CNTNAP5: variants seen among roughly 807,000 people sequenced by gnomAD.
CNTNAP5 encodes the protein contactin associated protein family member 5, also known as contactin-associated protein-like 5.
A neutral mutation model predicts 150.2 loss-of-function variants in CNTNAP5; 72 were observed. The ratio of observed to expected loss-of-function variants is 0.48; its 90% CI spans 0.40 to 0.58. CNTNAP5 has a LOEUF of 0.58. Among genes scored for constraint, CNTNAP5 ranks in the 20% least tolerant of loss-of-function variants. The pLI, the probability that CNTNAP5 is intolerant of heterozygous loss-of-function variation, is 0.00. For missense variants in CNTNAP5, 1,636 were observed against 1,626.2 expected (o/e 1.01, Z -0.10); for synonymous variants, 672 against 619.8 (o/e 1.08, Z -1.25).
In CNTNAP5 at chr2:124,764,247, T is replaced by A; in HGVS notation, c.2533+100T>A. 4.6e-6 allele frequency: 4 copies of A among 870,842 alleles called. No individual in the cohort carries two copies. In the South Asian group the frequency reaches 4.6e-5, roughly 10 times the overall value. The allele number at this position is 870,842 out of a possible 1,614,324, so 53.9% of individuals were successfully genotyped here. A position where few individuals can be genotyped will look rare whatever the true frequency, so the allele number is the denominator to read the frequency against. ...CTAGTGGGCATTTGTACCAGCAAAT[T>A]AATCTCACTGGACATCTGTAAAATT... is the stretch of plus-strand genomic sequence containing the variant. On this transcript the variant is annotated intron_variant, in intron 16 of 23. Coordinates refer to ENST00000682447, the MANE Select transcript of CNTNAP5 (RefSeq NM_001367498.1).
intron 1 of CNTNAP5, among the ~76,000 whole-genome samples, chr2:124,116,888 G>A (rs1286791665): frequency 6.6e-6 from 1 of 152,168 alleles, no homozygotes; most frequent in East Asian, 1.9e-4. Context: ...TACTGCCAGT[G>A]AGCTAGAATC....
chr2:124,369,532 C>T (rs1039855400), intron 3 of CNTNAP5, among the ~76,000 whole-genome samples: 6 of 152,076 alleles, frequency 3.9e-5, no homozygotes, highest in Non-Finnish European at 5.9e-5. Flanking sequence ...GAAGTTCCTG[C>T]GGTGATTCTA....
chr2:124,420,601 A>G (rs947598729), intron 4 of CNTNAP5, among the ~76,000 whole-genome samples: 4 of 152,180 alleles, frequency 2.6e-5, no homozygotes, highest in African/African-American at 7.2e-5. Context: ...GGTGTCTACA[A>G]TCATTTGACT....
intron 13 of CNTNAP5, among the ~76,000 whole-genome samples, chr2:124,674,151 A>T (rs546171378): frequency 2.6e-5 from 4 of 152,148 alleles, no homozygotes; most frequent in East Asian, 3.9e-4. Context: ...AAATGTTTTG[A>T]TCTTCTCAAA....
intron 2 of CNTNAP5, among the ~76,000 whole-genome samples, chr2:124,240,674 A>G (rs1686862987): frequency 6.6e-6 from 1 of 152,204 alleles, no homozygotes; most frequent in African/African-American, 2.4e-5. Context: ...AAAAAAAGAA[A>G]AAAATCAAAA....
At chr2:124,533,135 T>G (rs987348642) in intron 10 of CNTNAP5, among the ~76,000 whole-genome samples, 7 of 151,834 alleles carry the variant, frequency 4.6e-5, no homozygotes, top group African/African-American at 9.7e-5. Flanking sequence ...ACTCATAAAT[T>G]TAGGTGCCAA....
At chr2:124,169,058 G>A (rs1358674) in intron 1 of CNTNAP5, among the ~76,000 whole-genome samples, 2 of 152,046 alleles carry the variant, frequency 1.3e-5, no homozygotes, top group African/African-American at 4.8e-5. Flanking sequence ...TCGGAGCACT[G>A]CCTCCATGTT....
chr2:124,324,825 T>A (rs1573916754), intron 3 of CNTNAP5, among the ~76,000 whole-genome samples: 1 of 152,242 alleles, frequency 6.6e-6, no homozygotes, highest in East Asian at 1.9e-4. Flanking sequence ...AAAGGGGCAT[T>A]TTATAAGACA....
intron 13 of CNTNAP5, among the ~76,000 whole-genome samples, chr2:124,746,736 A>G (rs1680610780): frequency 6.6e-6 from 1 of 152,082 alleles, no homozygotes; most frequent in Admixed American, 6.6e-5. Context: ...TAGTGCTCTC[A>G]TTTTCTCTTT....
intron 13 of CNTNAP5, among the ~76,000 whole-genome samples, chr2:124,733,860 C>T (rs1680326985): frequency 6.6e-6 from 1 of 152,132 alleles, no homozygotes; most frequent in Non-Finnish European, 1.5e-5. Context: ...GCAAAGAAAG[C>T]TTTGATGGGG....
chr2:124,672,893 T>A (rs1678853244), intron 13 of CNTNAP5, among the ~76,000 whole-genome samples: 1 of 151,808 alleles, frequency 6.6e-6, no homozygotes, highest in South Asian at 2.1e-4. Flanking sequence ...GGGATAAACT[T>A]AAGAGATAAT....
intron 13 of CNTNAP5, among the ~76,000 whole-genome samples, chr2:124,653,446 T>C (rs182541493): frequency 5.0e-4 from 75 of 151,478 alleles, no homozygotes; most frequent in African/African-American, 1.8e-3. Context: ...TATACATATA[T>C]ACAATATATG....
At chr2:124,375,060 TAC>T (rs200719355) in intron 3 of CNTNAP5, among the ~76,000 whole-genome samples, 1,612 of 152,156 alleles carry the variant, frequency 0.011, 29 homozygotes, top group African/African-American at 0.036. Context: ...AGCTCTTTCT[TAC>T]AGAGGAATTC....
intron 1 of CNTNAP5, among the ~76,000 whole-genome samples, chr2:124,079,645 G>A (rs2104672992): frequency 6.6e-6 from 1 of 152,268 alleles, no homozygotes; most frequent in African/African-American, 2.4e-5. Context: ...AATATCAGAA[G>A]TGTGTGGTTT....
At chr2:124,705,225 C>T (rs898993923) in intron 13 of CNTNAP5, among the ~76,000 whole-genome samples, 1 of 152,100 alleles carries the variant, frequency 6.6e-6, no homozygotes, top group Non-Finnish European at 1.5e-5. Context: ...ATTACATTTG[C>T]TGTATTTAAA....
chr2:124,822,096 TGA>T (rs1682503743), intron 19 of CNTNAP5, among the ~76,000 whole-genome samples: 1 of 138,092 alleles, frequency 7.2e-6, no homozygotes, highest in African/African-American at 3.5e-5. Flanking sequence ...TTATTACAAC[TGA>T]CTGTCTGCTT....
intron 7 of CNTNAP5, among the ~76,000 whole-genome samples, chr2:124,499,033 A>C (rs1409870933): frequency 6.6e-6 from 1 of 152,224 alleles, no homozygotes; most frequent in Non-Finnish European, 1.5e-5. Flanking sequence ...AAAGGGAGAA[A>C]CAATAAGCCA....
intron 13 of CNTNAP5, among the ~76,000 whole-genome samples, chr2:124,725,657 G>A (rs1680141235): frequency 6.6e-6 from 1 of 151,872 alleles, no homozygotes; most frequent in African/African-American, 2.4e-5. Context: ...CCACATATTA[G>A]GTCTCCAGAC....
intron 12 of CNTNAP5, among the ~76,000 whole-genome samples, chr2:124,618,685 G>T (rs1206210949): frequency 6.6e-6 from 1 of 152,148 alleles, no homozygotes; most frequent in Non-Finnish European, 1.5e-5. Flanking sequence ...CACAGAGAAG[G>T]CTGGAGATGT....
Sources: gnomAD v4.1 joint callset for allele counts (sites outside exome capture counted in the v4.1 genomes callset) on GRCh38, gnomAD v4.1.1 for gene constraint, MANE v1.5 for transcripts, NCBI Gene and HGNC (gene_info 2026-07-23, HGNC 2026-07-21) for gene names.